SLC39A11: variants seen among roughly 807,000 people sequenced by gnomAD.
The protein encoded by SLC39A11 is zinc transporter ZIP11.
SLC39A11 carries 33 observed loss-of-function variants against 36.1 expected under a neutral mutation model. That is an observed-to-expected ratio of 0.91 (90% CI 0.69 to 1.22). The LOEUF (loss-of-function observed/expected upper bound fraction) is 1.22. Ranked by LOEUF, SLC39A11 falls within the 50% of genes most tolerant of loss-of-function variation. The probability of loss-of-function intolerance (pLI) is 0.00; values close to 1 mark genes in which losing one functional copy is unlikely to be tolerated. For synonymous variants in SLC39A11, 166 were observed against 170.3 expected, an observed-to-expected ratio of 0.97 and a Z score of 0.20; for missense variants, 432 against 430.3, an observed-to-expected ratio of 1.00 and a Z score of -0.03.
At chr17:72,819,288 A>G (rs1363987836) in intron 6 of SLC39A11, among the ~76,000 whole-genome samples, 1 of 151,266 alleles carries the variant, frequency 6.6e-6, no homozygotes, top group Admixed American at 6.6e-5. Context: ...AGACAGAGGG[A>G]GAAGAAGCCA....
chr17:72,671,146 G>C (rs919870567), intron 7 of SLC39A11, among the ~76,000 whole-genome samples: 1 of 152,142 alleles, frequency 6.6e-6, no homozygotes, highest in Admixed American at 6.5e-5. Context: ...CAGTAATTCA[G>C]ATAAGATGCT....
intron 5 of SLC39A11, among the ~76,000 whole-genome samples, chr17:72,897,472 C>A (rs1474919870): frequency 1.3e-5 from 2 of 152,186 alleles, no homozygotes; most frequent in African/African-American, 4.8e-5. Context: ...TTCTACTGTA[C>A]AGCAGAGCCA....
chr17:72,861,692 AT>A (rs1472194317), intron 5 of SLC39A11, among the ~76,000 whole-genome samples: 1 of 89,936 alleles, frequency 1.1e-5, no homozygotes, highest in Admixed American at 1.1e-4. Flanking sequence ...TATATATAAA[AT>A]ATATATATTG....
chr17:72,760,136 C>T (rs1324503555), intron 6 of SLC39A11, among the ~76,000 whole-genome samples: 1 of 152,200 alleles, frequency 6.6e-6, no homozygotes, highest in Non-Finnish European at 1.5e-5. Context: ...AAGTGATTCT[C>T]GTGCCTCAGC....
intron 6 of SLC39A11, among the ~76,000 whole-genome samples, chr17:72,767,783 A>T (rs2075804896): frequency 6.6e-6 from 1 of 152,238 alleles, no homozygotes. Flanking sequence ...GCCCTCAAGG[A>T]TCCTGGTGAC....
intron 6 of SLC39A11, among the ~76,000 whole-genome samples, chr17:72,743,664 C>T (rs764336964): frequency 1.2e-4 from 18 of 151,976 alleles, no homozygotes; most frequent in East Asian, 5.8e-4. Flanking sequence ...AGGCAGGACA[C>T]GTTAGTTATG....
In SLC39A11 at chr17:73,004,232, A is replaced by AAAGAAAGAAAGAAAGAAAG; in HGVS notation, c.306+27323_306+27324insCTTTCTTTCTTTCTTTCTT. On this transcript the variant is annotated intron_variant, in intron 4 of 9. Coordinates refer to ENST00000255559, the MANE Select transcript of SLC39A11 (RefSeq NM_139177.4). The stretch of plus-strand genomic sequence containing the variant: ...GAAAGAAAGAAAGAAAGAAAGAAAG[A>AAAGAAAGAAAGAAAGAAAG]AAAGAAAGAAAGAGAAAAAGCAAGC... Among the ~76,000 whole-genome samples, 17 of 88,710 alleles carry AAAGAAAGAAAGAAAGAAAG rather than the reference A, an allele frequency of 1.9e-4. 3 individuals carry two copies. Among genetic ancestry groups the AAAGAAAGAAAGAAAGAAAG allele is most frequent in the African/African-American group, 5.9e-4 (14 of 23,716 alleles). The allele number at this position is 88,710 out of a possible 152,430, so 58.2% of individuals were successfully genotyped here.
At chr17:72,856,966 C>G (rs1194941189) in intron 5 of SLC39A11, among the ~76,000 whole-genome samples, 1 of 152,194 alleles carries the variant, frequency 6.6e-6, no homozygotes, top group Non-Finnish European at 1.5e-5. Context: ...CAGGCGTAAG[C>G]CACCACATTC....
chr17:72,727,243 G>C (rs112967661), intron 7 of SLC39A11, among the ~76,000 whole-genome samples: 1 of 152,214 alleles, frequency 6.6e-6, no homozygotes. Context: ...GTTCTTTGAA[G>C]TGACGATACA....
At chr17:72,932,192 A>C (rs2084438743) in intron 5 of SLC39A11, among the ~76,000 whole-genome samples, 1 of 151,494 alleles carries the variant, frequency 6.6e-6, no homozygotes, top group Admixed American at 6.6e-5. Flanking sequence ...TCTTCCCAAA[A>C]CTCCAACGTC....
intron 5 of SLC39A11, among the ~76,000 whole-genome samples, chr17:72,893,722 AAAG>A (rs1386384516): frequency 1.3e-5 from 2 of 152,178 alleles, no homozygotes; most frequent in African/African-American, 4.8e-5. Context: ...AATAAGTTCA[AAAG>A]AAGATCTGGT....
At chr17:73,029,250 G>T (rs1475221522) in intron 4 of SLC39A11, among the ~76,000 whole-genome samples, 1 of 151,962 alleles carries the variant, frequency 6.6e-6, no homozygotes, top group African/African-American at 2.4e-5. Context: ...CTACTCCCCA[G>T]TAACATAGTA....
intron 5 of SLC39A11, among the ~76,000 whole-genome samples, chr17:72,874,273 G>A (rs1455569584): frequency 6.6e-6 from 1 of 152,168 alleles, no homozygotes; most frequent in Admixed American, 6.5e-5. Flanking sequence ...GGACTGGTGA[G>A]CATAAATGAT....
chr17:72,957,818 CA>C (rs11318251), intron 4 of SLC39A11, among the ~76,000 whole-genome samples: 118,796 of 144,950 alleles, frequency 0.82, 50,258 homozygotes, highest in East Asian at 0.96. Flanking sequence ...GACCCTGTCT[CA>C]AAAAAAAAAA....
chr17:72,915,680 C>A (rs1019265783), intron 5 of SLC39A11, among the ~76,000 whole-genome samples: 1 of 152,232 alleles, frequency 6.6e-6, no homozygotes, highest in African/African-American at 2.4e-5. Flanking sequence ...CCTTGGGAAT[C>A]CTGGCAGTGG....
At chr17:73,057,748 G>A (rs1231877668) in intron 3 of SLC39A11, among the ~76,000 whole-genome samples, 12 of 152,244 alleles carry the variant, frequency 7.9e-5, no homozygotes, top group African/African-American at 2.9e-4. Context: ...GACCAGCCTG[G>A]CGAACATGGT....
chr17:73,082,282 A>C (rs2060568989), intron 3 of SLC39A11, among the ~76,000 whole-genome samples: 1 of 151,934 alleles, frequency 6.6e-6, no homozygotes. Context: ...GAGATACATA[A>C]GAATAAATAA....
At chr17:72,980,076 A>T (rs1251385455) in intron 4 of SLC39A11, among the ~76,000 whole-genome samples, 1 of 152,144 alleles carries the variant, frequency 6.6e-6, no homozygotes, top group Non-Finnish European at 1.5e-5. Flanking sequence ...TTGCATCTAT[A>T]ACTCCCACCA....
intron 5 of SLC39A11, among the ~76,000 whole-genome samples, chr17:72,853,579 T>A (rs1489403147): frequency 6.6e-6 from 1 of 152,004 alleles, no homozygotes; most frequent in Non-Finnish European, 1.5e-5. Context: ...TAAAGAATTC[T>A]TCACCAAAAT....
Sources: gnomAD v4.1 joint callset for allele counts (sites outside exome capture counted in the v4.1 genomes callset) on GRCh38, gnomAD v4.1.1 for gene constraint, MANE v1.5 for transcripts, NCBI Gene and HGNC (gene_info 2026-07-23, HGNC 2026-07-21) for gene names.